Variants in ERGIC1 observed in about 807,000 individuals in gnomAD.
ERGIC1 encodes the protein endoplasmic reticulum-golgi intermediate compartment 1.
ERGIC1 carries 19 observed loss-of-function variants against 38.3 expected under a neutral mutation model. The observed-to-expected ratio is 0.50, with a 90% CI of 0.35 to 0.73. The LOEUF (loss-of-function observed/expected upper bound fraction) is 0.73. Ranked by LOEUF, ERGIC1 falls within the 30% of genes least tolerant of loss-of-function variation. The pLI, the probability that ERGIC1 is intolerant of heterozygous loss-of-function variation, is 0.01. For missense variants in ERGIC1, 294 were observed against 389.2 expected, an observed-to-expected ratio of 0.76 and a Z score of 2.06; for synonymous variants, 124 against 157.6, an observed-to-expected ratio of 0.79 and a Z score of 1.60.
In ERGIC1 at chr5:172,839,205, T is replaced by G. The variant is rs747798873; in HGVS notation, c.20+4772T>G. On this transcript the variant is annotated intron_variant, in intron 1 of 9. Coordinates refer to ENST00000393784, the MANE Select transcript of ERGIC1 (RefSeq NM_001031711.3). Reference sequence around the variant, plus strand: ...GCAGTGAACTGAGATCTTGCCACTGTACTCCAGCCTGGCCAACAGAGCGAG... The same window carrying G: ...GCAGTGAACTGAGATCTTGCCACTGGACTCCAGCCTGGCCAACAGAGCGAG... 8.4e-5 allele frequency among the ~76,000 whole-genome samples: 12 copies of G among 143,658 alleles called. No individual in the cohort carries two copies. In the Middle Eastern group the frequency reaches 0.019, roughly 228 times the overall value. 94.2% of individuals were successfully genotyped at this position (143,658 alleles called of 152,430 possible).
At chr5:172,849,215 G>C (rs1761346070) in intron 1 of ERGIC1, among the ~76,000 whole-genome samples, 1 of 152,188 alleles carries the variant, frequency 6.6e-6, no homozygotes, top group Non-Finnish European at 1.5e-5. Flanking sequence ...CTTTCAGTTA[G>C]ATCACCTAAC....
At chr5:172,881,595 C>T (rs1442623190) in intron 1 of ERGIC1, among the ~76,000 whole-genome samples, 1 of 152,116 alleles carries the variant, frequency 6.6e-6, no homozygotes, top group Non-Finnish European at 1.5e-5. Flanking sequence ...CTAAGCAGTC[C>T]AAATCTTTAA....
chr5:172,892,851 G>A (rs1762602614), intron 2 of ERGIC1, among the ~76,000 whole-genome samples: 1 of 152,166 alleles, frequency 6.6e-6, no homozygotes, highest in African/African-American at 2.4e-5. Context: ...CCTCTATCTG[G>A]GGTAAGGGTA....
chr5:172,896,874 C>A, intron 2 of ERGIC1, 128 bp from the exon 3 acceptor site: 1 of 796,100 alleles, frequency 1.3e-6, no homozygotes, highest in Non-Finnish European at 2.1e-6. Context: ...TCAGAAGGGG[C>A]TCTGGAGGGT....
At chr5:172,929,441 T>C (rs1763728272) in intron 7 of ERGIC1, among the ~76,000 whole-genome samples, 1 of 152,124 alleles carries the variant, frequency 6.6e-6, no homozygotes, top group South Asian at 2.1e-4. Flanking sequence ...GAGCCAGCAG[T>C]CTCTAGGAAT....
At chr5:172,902,522 G>A (rs1242668139) in intron 3 of ERGIC1, among the ~76,000 whole-genome samples, 3 of 152,228 alleles carry the variant, frequency 2.0e-5, no homozygotes, top group African/African-American at 7.2e-5. Context: ...TTGGTGTGGG[G>A]CCACCCAGAG....
intron 1 of ERGIC1, among the ~76,000 whole-genome samples, chr5:172,836,763 C>T (rs1309751866): frequency 6.6e-6 from 1 of 152,152 alleles, no homozygotes; most frequent in African/African-American, 2.4e-5. Flanking sequence ...TTATGGGGTC[C>T]CAGGAGTGGG....
chr5:172,885,370 G>C (rs919970485), intron 1 of ERGIC1, among the ~76,000 whole-genome samples: 23 of 152,094 alleles, frequency 1.5e-4, no homozygotes, highest in African/African-American at 5.5e-4. Flanking sequence ...CTATTCTCAA[G>C]CAGTCCTCCC....
At chr5:172,875,551 G>C (rs987898675) in intron 1 of ERGIC1, among the ~76,000 whole-genome samples, 2 of 152,152 alleles carry the variant, frequency 1.3e-5, no homozygotes. Context: ...GTGAAAGTAA[G>C]TGGTTAGGGT....
intron 9 of ERGIC1, among the ~76,000 whole-genome samples, chr5:172,944,995 C>G (rs1423669612): frequency 6.6e-6 from 1 of 152,246 alleles, no homozygotes; most frequent in South Asian, 2.1e-4. Flanking sequence ...TTCCCTCACT[C>G]TGGAACCCAC....
At chr5:172,848,107 A>T (rs2113530697) in intron 1 of ERGIC1, among the ~76,000 whole-genome samples, 1 of 152,370 alleles carries the variant, frequency 6.6e-6, no homozygotes, top group South Asian at 2.1e-4. Flanking sequence ...TACTCAAAAG[A>T]GAGCTGAACA....
chr5:172,936,599 C>T (rs1207196565), intron 9 of ERGIC1: 2 of 152,268 alleles, frequency 1.3e-5, no homozygotes. Context: ...GGGTCTCTGC[C>T]TTCTCATCTG....
intron 1 of ERGIC1, among the ~76,000 whole-genome samples, chr5:172,859,055 A>G (rs1761629756): frequency 6.6e-6 from 1 of 152,148 alleles, no homozygotes. Flanking sequence ...CTGGGTCGTC[A>G]TCGGCGCCCT....
intron 7 of ERGIC1, among the ~76,000 whole-genome samples, chr5:172,932,105 C>T (rs1763789762): frequency 6.6e-6 from 1 of 151,926 alleles, no homozygotes; most frequent in African/African-American, 2.4e-5. Context: ...ATGATCCACC[C>T]ACCTCGGCCT....
chr5:172,863,182 C>T (rs569761816), intron 1 of ERGIC1, among the ~76,000 whole-genome samples: 1 of 152,308 alleles, frequency 6.6e-6, no homozygotes, highest in South Asian at 2.1e-4. Flanking sequence ...AACTCCTGAC[C>T]TCAAGTGATC....
chr5:172,935,336 G>C, intron 9 of ERGIC1, 26 bp downstream of exon 9: 2 of 1,613,604 alleles, frequency 1.2e-6, no homozygotes, highest in Non-Finnish European at 8.5e-7. Flanking sequence ...CAGTGGGTGG[G>C]GCCCTGAGCC....
At chr5:172,944,323 A>G (rs1018454595) in intron 9 of ERGIC1, among the ~76,000 whole-genome samples, 2 of 151,404 alleles carry the variant, frequency 1.3e-5, no homozygotes, top group Admixed American at 6.6e-5. Context: ...CTCTCAGTCA[A>G]TGCCACCACA....
At chr5:172,876,362 C>T (rs1200739658) in intron 1 of ERGIC1, among the ~76,000 whole-genome samples, 1 of 152,196 alleles carries the variant, frequency 6.6e-6, no homozygotes, top group African/African-American at 2.4e-5. Flanking sequence ...AACTATTTGG[C>T]TAGCTAGAAA....
At chr5:172,894,720 G>A (rs1390086530) in intron 2 of ERGIC1, among the ~76,000 whole-genome samples, 2 of 152,182 alleles carry the variant, frequency 1.3e-5, no homozygotes, top group Non-Finnish European at 2.9e-5. Flanking sequence ...TTGTCTCACT[G>A]TGCCTCCATT....
Sources: allele counts gnomAD v4.1 joint callset (sites outside exome capture counted in the v4.1 genomes callset), GRCh38; gene constraint gnomAD v4.1.1; transcripts MANE v1.5; gene names NCBI Gene and HGNC (gene_info 2026-07-23, HGNC 2026-07-21).